The following TCF7 variants were observed in gnomAD, a reference collection of about 807,000 sequenced individuals.
The protein encoded by TCF7 is T-cell-factor-7.
TCF7 carries 19 observed loss-of-function variants against 46.8 expected under a neutral mutation model. The ratio of observed to expected loss-of-function variants is 0.41; its 90% CI spans 0.28 to 0.60. The LOEUF is 0.60. Among genes scored for constraint, TCF7 ranks in the 20% least tolerant of loss-of-function variants. TCF7 has a pLI of 0.35. For missense variants in TCF7, 547 were observed against 504.6 expected (o/e 1.08, Z -0.81); for synonymous variants, 245 against 213.4 (o/e 1.15, Z -1.29).
intron 3 of TCF7, among the ~76,000 whole-genome samples, chr5:134,136,200 G>A (rs1758839544): frequency 6.6e-6 from 1 of 152,148 alleles, no homozygotes; most frequent in Non-Finnish European, 1.5e-5. Context: ...CAGCCTGTTT[G>A]TACCCTGATG....
intron 4 of TCF7, chr5:134,138,696 A>G: frequency 4.1e-6 from 2 of 492,386 alleles, no homozygotes; most frequent in Non-Finnish European, 7.3e-6. Context: ...TCCATGCCTG[A>G]GTGACTTCAG....
In TCF7 at chr5:134,145,631, C is replaced by CT. The variant is rs1760580990; in HGVS notation, c.1076-592dup. 13 of 1,149,512 alleles carry CT rather than the reference C, an allele frequency of 1.1e-5. No individual in the cohort carries two copies. In the South Asian group the frequency reaches 1.7e-4, roughly 15 times the overall value. The allele number at this position is 1,149,512 out of a possible 1,614,324, so 71.2% of individuals were successfully genotyped here. ...CCTCTCAGTGTACCCACCACACTCCCTGTCCAAGGGCAAGGAGGAGTTTGG... is the reference window on the plus strand; with the variant it reads ...CCTCTCAGTGTACCCACCACACTCCCTTGTCCAAGGGCAAGGAGGAGTTTGG... On this transcript the variant is annotated intron_variant, in intron 9 of 9. Transcript: ENST00000342854.
intron 3 of TCF7, among the ~76,000 whole-genome samples, chr5:134,130,575 A>G (rs1757980337): frequency 6.6e-6 from 1 of 152,244 alleles, no homozygotes; most frequent in African/African-American, 2.4e-5. Flanking sequence ...CAAATGCCCC[A>G]TGTGAATTAA....
upstream of TCF7, among the ~76,000 whole-genome samples, chr5:134,112,506 T>G (rs1221365327): frequency 1.3e-5 from 2 of 152,066 alleles, no homozygotes; most frequent in Non-Finnish European, 2.9e-5. Flanking sequence ...TCACCCACCC[T>G]CTCCTCTGGT....
In TCF7 at chr5:134,143,624, C is replaced by T. The variant is rs1561700046; in HGVS notation, c.1059C>T (p.His353=). The part of the protein sequence containing the change: ...GKKKRRSREK[H]QESTTGGKRN... Reference sequence around the variant, plus strand: ...AGAAGAGGCGGTCGAGGGAAAAGCACCAAGAATCCACCACAGGTGAGACCT... The same window carrying T: ...AGAAGAGGCGGTCGAGGGAAAAGCATCAAGAATCCACCACAGGTGAGACCT... The change falls in exon 9 of 10, where the codon CAC becomes CAT. Residue 353 remains histidine (H), a synonymous_variant. Coordinates refer to ENST00000342854, the MANE Select transcript of TCF7 (RefSeq NM_003202.5). 6.2e-7 allele frequency: 1 copy of T among 1,613,924 alleles called. No individual in the cohort carries two copies. Among genetic ancestry groups the T allele is most frequent in the Non-Finnish European group, 8.5e-7 (1 of 1,180,018 alleles).
chr5:134,128,483 A>C (rs1757651489), intron 3 of TCF7, among the ~76,000 whole-genome samples: 1 of 151,820 alleles, frequency 6.6e-6, no homozygotes. Flanking sequence ...AGGGGTCTTG[A>C]CTGGCTATAG....
rs1041164545 is a variant in TCF7, at chr5:134,138,806, C to T, written c.548-145C>T. 7 of 1,300,874 alleles carry T rather than the reference C, an allele frequency of 5.4e-6. No homozygotes were observed. In the African/African-American group the frequency reaches 9.0e-5, roughly 17 times the overall value. The allele number at this position is 1,300,874 out of a possible 1,614,324, so 80.6% of individuals were successfully genotyped here. A position where few individuals can be genotyped will look rare whatever the true frequency, so the allele number is the denominator to read the frequency against. On this transcript the variant is annotated intron_variant, in intron 4 of 9. Transcript: ENST00000342854. Reference sequence around the variant, plus strand: ...GGGGCACTATTATCACACTGGGATCCTCCTGAATAAACTAGTTTATGTCTG... The same window carrying T: ...GGGGCACTATTATCACACTGGGATCTTCCTGAATAAACTAGTTTATGTCTG...
chr5:134,147,973 C>CAAAAAAAAA lies in TCF7; in HGVS notation c.*1686_*1694dup, dbSNP rs57382538. ...TCTGGGTAACAGGGAGACTGCATCT[C>CAAAAAAAAA]AAAAAAAAAAAAAAAAAAAAAAAAG... is the stretch of plus-strand genomic sequence containing the variant. On this transcript the variant is annotated 3_prime_UTR_variant, in exon 10 of 10. Transcript: ENST00000342854. 2 of 48,172 alleles carry CAAAAAAAAA rather than the reference C, an allele frequency of 4.2e-5. 1 individual carries two copies. The highest frequency in any genetic ancestry group is 1.4e-4 in the African/African-American group (2 of 13,894). 3.0% of individuals were successfully genotyped at this position (48,172 alleles called of 1,614,324 possible). A position where few individuals can be genotyped will look rare whatever the true frequency, so the allele number is the denominator to read the frequency against.
upstream of TCF7, among the ~76,000 whole-genome samples, chr5:134,110,829 C>T (rs1755318296): frequency 6.6e-6 from 1 of 152,196 alleles, no homozygotes; most frequent in Admixed American, 6.5e-5. Flanking sequence ...TTCACGTGGG[C>T]CTTTCATGTT....
intron 3 of TCF7, among the ~76,000 whole-genome samples, chr5:134,134,873 C>T (rs1758633591): frequency 2.0e-5 from 3 of 152,210 alleles, no homozygotes; most frequent in Non-Finnish European, 1.5e-5. Flanking sequence ...GGCTAAAGCA[C>T]CCATGGGAAG....
At chr5:134,144,755 G>A (rs762228147) in intron 9 of TCF7, 23 of 1,525,432 alleles carry the variant, frequency 1.5e-5, no homozygotes, top group Non-Finnish European at 1.8e-5. Context: ...CTGCCTGCTC[G>A]CCCTCTGCCC....
intron 4 of TCF7, 161 bp from the exon 5 acceptor site, chr5:134,138,790 T>C: frequency 2.5e-6 from 3 of 1,190,436 alleles, no homozygotes; most frequent in East Asian, 2.6e-5. Context: ...AGGGGCACTA[T>C]TATCACACTG....
rs757081584 is a variant in TCF7 at position 134,115,988 on chromosome 5, A to G, written c.396A>G (p.Pro132=). The G allele has an allele frequency of 1.2e-6, 2 of 1,611,566 alleles. No individual in the cohort carries two copies. The highest frequency in any genetic ancestry group is 3.3e-5 in the Admixed American group (2 of 59,804). ...CCTTCAATCTGCTCATGCATTACCC[A>G]CCCCCCTCGGGAGCAGGGCAGCACC... is the stretch of plus-strand genomic sequence containing the variant. ...YSAFNLLMHY[P]PPSGAGQHPQ... The change falls in exon 3 of 10, where the codon CCA becomes CCG. Residue 132 remains proline, a synonymous_variant. Transcript: ENST00000342854.
In TCF7 at chr5:134,146,139, C is replaced by G. The variant is rs914990461; in HGVS notation, c.1076-85C>G. 6 of 1,613,124 alleles carry G rather than the reference C, an allele frequency of 3.7e-6. 1 individual carries two copies. The African/African-American group carries it at 8.0e-5, about 22-fold the overall frequency. ...AGAGAGGACAAGGAATCAGCCAGGC[C>G]TGTGCAAAGGCAGCATTTTTTGGTT... On this transcript the variant is annotated intron_variant, in intron 9 of 9. Transcript: ENST00000342854.
chr5:134,141,969 A>G, intron 5 of TCF7: 1 of 520,380 alleles, frequency 1.9e-6, no homozygotes, highest in Non-Finnish European at 3.2e-6. Context: ...AACCATCTGA[A>G]TGGCAATCTA....
chr5:134,132,786 A>G (rs1348618225), intron 3 of TCF7, among the ~76,000 whole-genome samples: 1 of 152,142 alleles, frequency 6.6e-6, no homozygotes, highest in East Asian at 1.9e-4. Context: ...GCCAGGCCCA[A>G]GCTTGACTTC....
chr5:134,146,274 G>GC lies in TCF7; in HGVS notation c.1130dup (p.Phe378ValfsTer81), dbSNP rs1760692321. 2 of 1,614,050 alleles carry GC rather than the reference G, an allele frequency of 1.2e-6. No homozygotes were observed. The highest frequency in any genetic ancestry group is 1.7e-5 in the Admixed American group (1 of 60,004). ...TTACCCGGAGAAGGCCGCTGCCCCA[G>GC]CCCCGTTCCTTCCGATGACAGTGCT... On this transcript the variant is annotated frameshift_variant, in exon 10 of 10. Transcript: ENST00000342854. LOFTEE classifies it high-confidence loss of function.
chr5:134,129,553 G>T (rs534468563), intron 3 of TCF7, among the ~76,000 whole-genome samples: 7 of 152,356 alleles, frequency 4.6e-5, no homozygotes, highest in Non-Finnish European at 7.3e-5. Flanking sequence ...CAGCTCAGTT[G>T]CAGCAGCTCC....
At chr5:134,109,922 G>A (rs1167557260), upstream of TCF7, among the ~76,000 whole-genome samples, 3 of 152,214 alleles carry the variant, frequency 2.0e-5, no homozygotes, top group African/African-American at 4.8e-5. Flanking sequence ...CGACCCCTTG[G>A]ACAACTGGTA....
Sources: gnomAD v4.1 joint callset for allele counts (sites outside exome capture counted in the v4.1 genomes callset) on GRCh38, gnomAD v4.1.1 for gene constraint, MANE v1.5 for transcripts, NCBI Gene and HGNC (gene_info 2026-07-23, HGNC 2026-07-21) for gene names.